Variants in VEZT observed in about 807,000 individuals in gnomAD.
VEZT encodes the protein vezatin, adherens junctions transmembrane protein.
VEZT carries 39 observed loss-of-function variants against 79.9 expected under a neutral mutation model. The observed-to-expected ratio is 0.49, with a 90% CI of 0.38 to 0.64. The LOEUF (loss-of-function observed/expected upper bound fraction) is 0.64. Among genes scored for constraint, VEZT ranks in the 30% least tolerant of loss-of-function variants. The pLI, the probability that VEZT is intolerant of heterozygous loss-of-function variation, is 0.00. For missense variants in VEZT, 837 were observed against 893.1 expected, an observed-to-expected ratio of 0.94 and a Z score of 0.80; for synonymous variants, 325 against 327.6, an observed-to-expected ratio of 0.99 and a Z score of 0.09.
chr12:95,258,630 C>G (rs936457867), intron 3 of VEZT, among the ~76,000 whole-genome samples: 4 of 152,114 alleles, frequency 2.6e-5, no homozygotes, highest in African/African-American at 9.7e-5. Flanking sequence ...GGCAATTGCT[C>G]TGTGATATCT....
chr12:95,287,807 A>T lies in VEZT; in HGVS notation c.1472A>T (p.Glu491Val), dbSNP rs769381895. The change falls in exon 9 of 12, where the codon GAG (glutamate) becomes GTG (valine). Residue 491 changes from glutamate (E) to valine (V), a missense_variant. Transcript: ENST00000436874. ...HVQASNNCWE[E>V]AISQVDKLLR... is the part of the protein sequence containing the mutation. Reference sequence around the variant, plus strand: ...CAAGCAAGCAACAATTGCTGGGAAGAGGCCATTTCTCAGGTCGACAAACTG... The same window carrying T: ...CAAGCAAGCAACAATTGCTGGGAAGTGGCCATTTCTCAGGTCGACAAACTG... The T allele has an allele frequency of 6.2e-7, 1 of 1,608,272 alleles. No homozygotes were observed. The highest frequency in any genetic ancestry group is 8.5e-7 in the Non-Finnish European group (1 of 1,177,088).
In VEZT at chr12:95,300,362, T is replaced by C; in HGVS notation, c.2029T>C (p.Ser677Pro). 6.2e-7 allele frequency: 1 copy of C among 1,613,392 alleles called. No homozygotes were observed. Among genetic ancestry groups the C allele is most frequent in the Non-Finnish European group, 8.5e-7 (1 of 1,179,604 alleles). ...NSLEGKNKDN[S>P]SNEVFPQGAE... ...TCTAGAAGGTAAAAATAAAGATAAT[T>C]CTTCAAATGAAGTCTTCCCCCAAGG... Residue 677 changes from serine to proline, a missense_variant, in exon 12 of 12, where the codon TCT (serine) becomes CCT (proline). Coordinates refer to ENST00000436874, the MANE Select transcript of VEZT (RefSeq NM_017599.4).
intron 1 of VEZT, among the ~76,000 whole-genome samples, chr12:95,230,587 T>A (rs920871475): frequency 4.0e-5 from 6 of 151,260 alleles, no homozygotes; most frequent in South Asian, 2.1e-4. Context: ...TTTTTTTTTT[T>A]TTTATTTATT....
chr12:95,252,615 C>A (rs913239074), intron 2 of VEZT, among the ~76,000 whole-genome samples: 3 of 152,196 alleles, frequency 2.0e-5, no homozygotes, highest in Non-Finnish European at 4.4e-5. Flanking sequence ...TAATTATGTT[C>A]TACAAAATGC....
intron 2 of VEZT, among the ~76,000 whole-genome samples, chr12:95,253,394 C>T (rs1267420288): frequency 3.3e-5 from 5 of 152,154 alleles, no homozygotes; most frequent in African/African-American, 1.2e-4. Context: ...TTGACTAACA[C>T]CCAGAAGGTG....
intron 9 of VEZT, 131 bp from the exon 10 acceptor site, chr12:95,294,141 C>T: frequency 3.2e-6 from 2 of 632,550 alleles, no homozygotes; most frequent in Non-Finnish European, 2.7e-6. Flanking sequence ...CCTGCCTCAG[C>T]CTCCCGAAGT....
At chr12:95,284,773 G>C (rs1285534897) in intron 8 of VEZT, among the ~76,000 whole-genome samples, 2 of 152,178 alleles carry the variant, frequency 1.3e-5, no homozygotes, top group East Asian at 3.9e-4. Context: ...GGGATATGAT[G>C]GTTTGTGACT....
chr12:95,250,513 G>T (rs1388008446), intron 1 of VEZT, among the ~76,000 whole-genome samples: 3 of 151,594 alleles, frequency 2.0e-5, no homozygotes, highest in Non-Finnish European at 4.4e-5. Flanking sequence ...ATGTTGGCCA[G>T]GCTGGTCTTG....
At chr12:95,262,662 G>A (rs1035324802) in intron 3 of VEZT, among the ~76,000 whole-genome samples, 1 of 152,024 alleles carries the variant, frequency 6.6e-6, no homozygotes, top group African/African-American at 2.4e-5. Flanking sequence ...TTTACATCTT[G>A]TTATTAAAAA....
At position 95,264,855 on chromosome 12, in the gene VEZT, CTTTCT is replaced by C. The variant is rs1393730811; in HGVS notation, c.435-1488_435-1484del. On this transcript the variant is annotated intron_variant, in intron 4 of 11. Coordinates refer to ENST00000436874, the MANE Select transcript of VEZT (RefSeq NM_017599.4). ...AGACACATCCCCCTTATACTCCCCTCTTTCTTTTCTTTTCTTTTTTTTTTTTTTTT... is the reference window on the plus strand; with the variant it reads ...AGACACATCCCCCTTATACTCCCCTCTTTCTTTTCTTTTTTTTTTTTTTTT... 3.7e-3 allele frequency among the ~76,000 whole-genome samples: 526 copies of C among 143,558 alleles called. 7 individuals carry two copies. The highest frequency in any genetic ancestry group is 0.013 in the African/African-American group (508 of 38,802). The allele number at this position is 143,558 out of a possible 152,430, so 94.2% of individuals were successfully genotyped here.
chr12:95,259,285 T>G (rs545080062), intron 3 of VEZT, among the ~76,000 whole-genome samples: 13 of 152,320 alleles, frequency 8.5e-5, no homozygotes, highest in South Asian at 8.3e-4. Flanking sequence ...GTGTCTCTTA[T>G]TTTCTGCATC....
intron 1 of VEZT, among the ~76,000 whole-genome samples, chr12:95,240,075 A>AG: frequency 9.5e-5 from 14 of 148,078 alleles, no homozygotes; most frequent in Non-Finnish European, 1.7e-4. Context: ...GAAGGAAGGA[A>AG]GAAAAGAAAG....
intron 3 of VEZT, among the ~76,000 whole-genome samples, chr12:95,262,146 G>T (rs1168994033): frequency 6.6e-6 from 1 of 152,082 alleles, no homozygotes; most frequent in Admixed American, 6.5e-5. Flanking sequence ...TTCATTACAG[G>T]CTTGGTCCCT....
intron 8 of VEZT, among the ~76,000 whole-genome samples, chr12:95,283,239 A>G (rs538536320): frequency 1.3e-5 from 2 of 152,302 alleles, no homozygotes; most frequent in African/African-American, 4.8e-5. Context: ...TTTATGTCCC[A>G]CTTTGGTATA....
chr12:95,224,136 T>C (rs2058054132), intron 1 of VEZT: 1 of 455,934 alleles, frequency 2.2e-6, no homozygotes, highest in African/African-American at 2.0e-5. Context: ...CTGATCATTA[T>C]GGACTGCATC....
intron 8 of VEZT, among the ~76,000 whole-genome samples, chr12:95,284,233 A>T (rs562999818): frequency 2.6e-4 from 40 of 152,340 alleles, no homozygotes; most frequent in Non-Finnish European, 8.8e-5. Context: ...ACAAACCATC[A>T]TATCCAATTT....
At chr12:95,286,502 T>C in intron 8 of VEZT, 1 of 552,824 alleles carries the variant, frequency 1.8e-6, no homozygotes, top group Non-Finnish European at 3.6e-6. Flanking sequence ...CCTCTGGCAA[T>C]TCCTCTTGGT....
chr12:95,269,135 A>G (rs2066115486), intron 5 of VEZT, among the ~76,000 whole-genome samples: 1 of 152,218 alleles, frequency 6.6e-6, no homozygotes, highest in African/African-American at 2.4e-5. Context: ...GTTATAGTAT[A>G]AGCAATTTAC....
chr12:95,229,777 G>C (rs2058979775), intron 1 of VEZT, among the ~76,000 whole-genome samples: 1 of 152,118 alleles, frequency 6.6e-6, no homozygotes, highest in South Asian at 2.1e-4. Flanking sequence ...GTACTCGACA[G>C]GGGCACAGTG....
Sources: allele counts gnomAD v4.1 joint callset (sites outside exome capture counted in the v4.1 genomes callset), GRCh38; gene constraint gnomAD v4.1.1; transcripts MANE v1.5; gene names NCBI Gene and HGNC (gene_info 2026-07-23, HGNC 2026-07-21).